TF: variants seen among roughly 807,000 people sequenced by gnomAD.
TF encodes serotransferrin.
Under a neutral mutation model 82.4 loss-of-function variants are expected in TF, and 55 were observed. That is an observed-to-expected ratio of 0.67 (90% confidence interval 0.54 to 0.84). TF has a LOEUF of 0.84. Among genes scored for constraint, TF ranks in the 40% least tolerant of loss-of-function variants. TF has a pLI of 0.00. For synonymous variants in TF, 332 were observed against 332.6 expected (o/e 1.00, Z 0.02); for missense variants, 737 against 868.4 (o/e 0.85, Z 1.90).
At chr3:133,743,789 T>C (rs1933436975), upstream of TF, among the ~76,000 whole-genome samples, 1 of 152,174 alleles carries the variant, frequency 6.6e-6, no homozygotes, top group Non-Finnish European at 1.5e-5. Context: ...ACAAGTGTCA[T>C]GGACATGGAG....
chr3:133,750,338 G>T (rs186781089), intron 2 of TF, among the ~76,000 whole-genome samples: 3 of 152,282 alleles, frequency 2.0e-5, no homozygotes, highest in Admixed American at 2.0e-4. Context: ...GGACAGATGT[G>T]TCAAGTGTGG....
At chr3:133,774,313 T>G (rs1478447344) in intron 14 of TF, 1 of 152,216 alleles carries the variant, frequency 6.6e-6, no homozygotes, top group Non-Finnish European at 1.5e-5. Context: ...TTAACGCTAC[T>G]TTAGTGGCAA....
chr3:133,722,142 A>G, the TF span, among the ~76,000 whole-genome samples: 1 of 152,046 alleles, frequency 6.6e-6, no homozygotes, highest in Non-Finnish European at 1.5e-5. Flanking sequence ...TGGGCCTCCC[A>G]AAGTGCTGGG....
the TF span, among the ~76,000 whole-genome samples, chr3:133,729,462 C>G: frequency 6.6e-6 from 1 of 152,200 alleles, no homozygotes; most frequent in African/African-American, 2.4e-5. Flanking sequence ...CCCTCTGAGC[C>G]AGGTGTGGGA....
rs1934491250 is a variant in TF at position 133,780,380 on chromosome 3, A to G, written c.*1760A>G. 1 of 152,238 alleles carries G rather than the reference A, an allele frequency of 6.6e-6. No individual in the cohort carries two copies. The highest frequency in any genetic ancestry group is 1.5e-5 in the Non-Finnish European group (1 of 68,036). The allele number at this position is 152,238 out of a possible 1,614,324, so 9.4% of individuals were successfully genotyped here. ...ATTACACTACAGGTATATTCCTGGA[A>G]GTCTTAGACAACTGGGCTAAAACAA... On this transcript the variant is annotated 3_prime_UTR_variant, in exon 17 of 17. Coordinates refer to ENST00000402696, the MANE Select transcript of TF (RefSeq NM_001063.4).
the TF span, among the ~76,000 whole-genome samples, chr3:133,697,366 T>C: frequency 6.6e-6 from 1 of 152,200 alleles, no homozygotes; most frequent in Admixed American, 6.5e-5. Flanking sequence ...ATTAGTGGGG[T>C]CATCTATGGG....
the TF span, among the ~76,000 whole-genome samples, chr3:133,663,834 T>C: frequency 6.6e-6 from 1 of 152,194 alleles, no homozygotes; most frequent in Admixed American, 6.5e-5. Flanking sequence ...AGGAGATTCA[T>C]AGATGCTGCT....
In TF at chr3:133,753,652, G is replaced by T; in HGVS notation, c.274G>T (p.Ala92Ser). 2 of 1,614,206 alleles carry T rather than the reference G, an allele frequency of 1.2e-6. No individual in the cohort carries two copies. Among genetic ancestry groups the T allele is most frequent in the Non-Finnish European group, 8.5e-7 (1 of 1,180,030 alleles). ...DAGLVYDAYLAPNNLKPVVAE... is the reference protein window; with the variant it reads ...DAGLVYDAYLSPNNLKPVVAE... ...AGGTTTGGTGTATGATGCTTACCTG[G>T]CTCCCAATAACCTGAAGCCTGTGGT... Residue 92 changes from alanine to serine, a missense_variant, in exon 3 of 17, where the codon GCT (alanine) becomes TCT (serine). Ala to Ser is a moderately conservative substitution (Grantham distance 99). Transcript: ENST00000402696.
At chr3:133,669,096 G>A in the TF span, among the ~76,000 whole-genome samples, 4 of 152,054 alleles carry the variant, frequency 2.6e-5, no homozygotes, top group Non-Finnish European at 4.4e-5. Context: ...CGCCTCCCGG[G>A]TTCAAGCGAT....
At chr3:133,703,407 A>G in the TF span, among the ~76,000 whole-genome samples, 1 of 152,208 alleles carries the variant, frequency 6.6e-6, no homozygotes, top group South Asian at 2.1e-4. Context: ...GTTACAAGGA[A>G]TTAAATTGCC....
chr3:133,766,131 T>C, intron 11 of TF, 147 bp from the exon 12 acceptor site: 2 of 806,064 alleles, frequency 2.5e-6, no homozygotes, highest in Non-Finnish European at 4.3e-6. Flanking sequence ...TCCTTGTACT[T>C]CCCCTCAGTC....
chr3:133,758,054 C>A, intron 8 of TF, 108 bp downstream of exon 8: 1 of 1,054,086 alleles, frequency 9.5e-7, no homozygotes, highest in South Asian at 1.5e-5. Flanking sequence ...TCCTGATGCT[C>A]CTTTTTCTGA....
chr3:133,751,185 G>A (rs372622814), intron 2 of TF, among the ~76,000 whole-genome samples: 2 of 151,136 alleles, frequency 1.3e-5, no homozygotes, highest in African/African-American at 4.9e-5. Flanking sequence ...GAAAACATAA[G>A]TGAAGCAAGC....
the TF span, among the ~76,000 whole-genome samples, chr3:133,722,823 A>C: frequency 6.6e-6 from 1 of 152,194 alleles, no homozygotes; most frequent in Non-Finnish European, 1.5e-5. Flanking sequence ...CCATTATATC[A>C]TGGAGTATTC....
intron 14 of TF, 132 bp downstream of exon 14, chr3:133,770,704 C>T: frequency 9.3e-7 from 1 of 1,078,696 alleles, no homozygotes; most frequent in Non-Finnish European, 1.4e-6. Context: ...CTCAGTCTGT[C>T]TGCTCAGTGA....
At chr3:133,756,712 C>A in intron 6 of TF, 119 bp from the exon 7 acceptor site, 1 of 1,289,480 alleles carries the variant, frequency 7.8e-7, no homozygotes, top group Non-Finnish European at 1.1e-6. Flanking sequence ...GTTCTCTGGC[C>A]TTCAGTGCTC....
chr3:133,763,398 A>G (rs1372279189), intron 9 of TF, among the ~76,000 whole-genome samples: 1 of 152,230 alleles, frequency 6.6e-6, no homozygotes, highest in Non-Finnish European at 1.5e-5. Flanking sequence ...TTTAAAGAAA[A>G]AAATGATATT....
chr3:133,740,444 C>G, the TF span, among the ~76,000 whole-genome samples: 1 of 152,088 alleles, frequency 6.6e-6, no homozygotes, highest in Non-Finnish European at 1.5e-5. Context: ...GATTCTCATG[C>G]CTCAGCCTCC....
At chr3:133,719,181 G>A in the TF span, among the ~76,000 whole-genome samples, 1 of 152,112 alleles carries the variant, frequency 6.6e-6, no homozygotes, top group Non-Finnish European at 1.5e-5. Context: ...TAGACATATA[G>A]GAGTGTGATA....
Sources: gnomAD v4.1 joint callset for allele counts (sites outside exome capture counted in the v4.1 genomes callset) on GRCh38, gnomAD v4.1.1 for gene constraint, MANE v1.5 for transcripts, NCBI Gene and HGNC (gene_info 2026-07-23, HGNC 2026-07-21) for gene names.